The following DPP6 variants were observed in gnomAD, a reference collection of about 807,000 sequenced individuals.
The protein encoded by DPP6 is A-type potassium channel modulatory protein DPP6.
A neutral mutation model predicts 122.6 loss-of-function variants in DPP6; 69 were observed. The ratio of observed to expected loss-of-function variants is 0.56; its 90% CI spans 0.46 to 0.69. The LOEUF is 0.69. DPP6 is among the 30% of genes least tolerant of loss of function. The probability of loss-of-function intolerance (pLI) is 0.00; values close to 1 mark genes in which losing one functional copy is unlikely to be tolerated. For synonymous variants in DPP6, 418 were observed against 433.1 expected (o/e 0.97, Z 0.43); for missense variants, 928 against 1,116.9 (o/e 0.83, Z 2.41).
At chr7:154,275,352 C>T (rs1232192970) in intron 1 of DPP6, among the ~76,000 whole-genome samples, 1 of 152,178 alleles carries the variant, frequency 6.6e-6, no homozygotes, top group Non-Finnish European at 1.5e-5. Flanking sequence ...TATAAAATCA[C>T]TTACCTAGAA....
intron 1 of DPP6, among the ~76,000 whole-genome samples, chr7:154,081,182 G>A (rs1183675728): frequency 6.6e-6 from 1 of 151,710 alleles, no homozygotes; most frequent in Admixed American, 6.6e-5. Context: ...CAGTATGCTG[G>A]GGCAGAGAGC....
chr7:153,975,217 C>CA (rs1326116668), intron 1 of DPP6, among the ~76,000 whole-genome samples: 7 of 137,840 alleles, frequency 5.1e-5, no homozygotes, highest in East Asian at 4.2e-4. Flanking sequence ...ATATCAAATG[C>CA]AAAAAAAGCA....
At chr7:154,398,364 A>C (rs1815274435) in intron 1 of DPP6, among the ~76,000 whole-genome samples, 1 of 152,198 alleles carries the variant, frequency 6.6e-6, no homozygotes. Flanking sequence ...AACTCTAAGC[A>C]TTAGCATGCT....
At chr7:153,997,030 C>CCTCTCT (rs139415383) in intron 1 of DPP6, among the ~76,000 whole-genome samples, 2 of 148,246 alleles carry the variant, frequency 1.3e-5, no homozygotes, top group African/African-American at 2.5e-5. Flanking sequence ...AATCTTTATG[C>CCTCTCT]CTCTCTCTCT....
intron 1 of DPP6, among the ~76,000 whole-genome samples, chr7:153,987,300 C>T (rs1796894701): frequency 6.6e-6 from 1 of 152,192 alleles, no homozygotes; most frequent in Middle Eastern, 3.2e-3. Context: ...CTTCTAGTAC[C>T]ATGCCTGGGG....
chr7:154,636,459 T>C (rs1036550954), intron 5 of DPP6, among the ~76,000 whole-genome samples: 1 of 152,230 alleles, frequency 6.6e-6, no homozygotes, highest in African/African-American at 2.4e-5. Context: ...CTGTGTTCCT[T>C]ATTAGATTGC....
intron 8 of DPP6, among the ~76,000 whole-genome samples, chr7:154,740,266 G>C (rs978558620): frequency 2.0e-5 from 3 of 150,390 alleles, no homozygotes; most frequent in Admixed American, 1.3e-4. Flanking sequence ...ATTTGAGGTT[G>C]AGATATTTGA....
intron 16 of DPP6, among the ~76,000 whole-genome samples, chr7:154,838,049 A>G (rs1217725739): frequency 6.6e-6 from 1 of 152,322 alleles, no homozygotes; most frequent in African/African-American, 2.4e-5. Flanking sequence ...AGGGCACTCC[A>G]GGGACCCAGC....
At chr7:154,453,599 T>A (rs1820579274) in intron 2 of DPP6, among the ~76,000 whole-genome samples, 1 of 151,414 alleles carries the variant, frequency 6.6e-6, no homozygotes, top group African/African-American at 2.4e-5. Context: ...TATTGTTGAA[T>A]TTTGATGAAT....
At chr7:154,689,075 C>A (rs149963431) in intron 7 of DPP6, among the ~76,000 whole-genome samples, 1 of 152,330 alleles carries the variant, frequency 6.6e-6, no homozygotes, top group East Asian at 1.9e-4. Flanking sequence ...ATCCTCAACT[C>A]TGCCTTATTT....
At chr7:154,248,330 A>G (rs1802123759) in intron 1 of DPP6, among the ~76,000 whole-genome samples, 1 of 152,178 alleles carries the variant, frequency 6.6e-6, no homozygotes, top group Non-Finnish European at 1.5e-5. Context: ...TGAGTCTTAG[A>G]CGTGAATTTC....
intron 1 of DPP6, among the ~76,000 whole-genome samples, chr7:154,424,666 C>T (rs921412483): frequency 1.3e-5 from 2 of 152,220 alleles, no homozygotes; most frequent in African/African-American, 4.8e-5. Context: ...GTTCACGTAA[C>T]GTAGCCACAG....
chr7:153,888,460 G>T (rs912772517), intron 1 of DPP6, among the ~76,000 whole-genome samples: 18 of 152,166 alleles, frequency 1.2e-4, no homozygotes, highest in Non-Finnish European at 2.5e-4. Flanking sequence ...CCTCCCCAGC[G>T]AGCCCACCCG....
chr7:154,706,306 C>G (rs1186681022), intron 7 of DPP6, among the ~76,000 whole-genome samples: 3 of 152,232 alleles, frequency 2.0e-5, no homozygotes, highest in Non-Finnish European at 4.4e-5. Flanking sequence ...CTGCGATGCT[C>G]TCATTCCCCT....
At chr7:153,770,610 A>G in the DPP6 span, among the ~76,000 whole-genome samples, 2,852 of 152,300 alleles carry the variant, frequency 0.019, 34 homozygotes, top group African/African-American at 0.036. Flanking sequence ...ATGTTCAGCT[A>G]TCAACAAATA....
chr7:154,595,174 C>T (rs1163761236), intron 5 of DPP6, among the ~76,000 whole-genome samples: 2 of 152,148 alleles, frequency 1.3e-5, no homozygotes, highest in Admixed American at 6.5e-5. Flanking sequence ...CTGCCTGACA[C>T]GTCCTCTCCA....
At chr7:153,836,229 T>C in the DPP6 span, among the ~76,000 whole-genome samples, 2 of 152,176 alleles carry the variant, frequency 1.3e-5, no homozygotes, top group South Asian at 4.1e-4. Flanking sequence ...ATCAAACCCT[T>C]GTGTGCCTCT....
At chr7:153,968,258 A>G (rs1166321528) in intron 1 of DPP6, among the ~76,000 whole-genome samples, 1 of 150,648 alleles carries the variant, frequency 6.6e-6, no homozygotes, top group Non-Finnish European at 1.5e-5. Flanking sequence ...CTCATTGTGC[A>G]TGAGACGGTA....
Position 154,440,674 on chromosome 7 carries a change from T to C in DPP6, c.244-5540T>C, listed in dbSNP as rs548781943. On this transcript the variant is annotated intron_variant, in intron 1 of 25. Coordinates refer to ENST00000377770, the MANE Select transcript of DPP6 (RefSeq NM_130797.4). ...TTGTCTTCTAGTCTTAATATACTTC[T>C]GCAGGCTGCCTGATAGAAGAAGAGA... 2.0e-5 allele frequency among the ~76,000 whole-genome samples: 3 copies of C among 152,370 alleles called. No homozygotes were observed. The East Asian group carries it at 5.8e-4, about 29-fold the overall frequency.
Sources: gnomAD v4.1 joint callset for allele counts (sites outside exome capture counted in the v4.1 genomes callset) on GRCh38, gnomAD v4.1.1 for gene constraint, MANE v1.5 for transcripts, NCBI Gene and HGNC (gene_info 2026-07-23, HGNC 2026-07-21) for gene names.